The following ATP6V1B1 variants were observed in gnomAD, a reference collection of about 807,000 sequenced individuals.
ATP6V1B1 encodes V-type proton ATPase subunit B, kidney isoform.
ATP6V1B1 carries 41 observed loss-of-function variants against 62.1 expected under a neutral mutation model. That is an observed-to-expected ratio of 0.66 (90% CI 0.51 to 0.86). The LOEUF is 0.86. Among genes scored for constraint, ATP6V1B1 ranks in the 40% least tolerant of loss-of-function variants. The pLI, the probability that ATP6V1B1 is intolerant of heterozygous loss-of-function variation, is 0.00. For synonymous variants in ATP6V1B1, 253 were observed against 273.4 expected (o/e 0.93, Z 0.74); for missense variants, 651 against 697.5 (o/e 0.93, Z 0.75).
At position 70,963,934 on chromosome 2, in the gene ATP6V1B1, T is replaced by G; in HGVS notation, c.1143+280T>G. 1 of 530,110 alleles carries G rather than the reference T, an allele frequency of 1.9e-6. No individual in the cohort carries two copies. The highest frequency in any genetic ancestry group is 3.4e-6 in the Non-Finnish European group (1 of 292,530). 32.8% of individuals were successfully genotyped at this position (530,110 alleles called of 1,614,324 possible). On this transcript the variant is annotated intron_variant, in intron 11 of 13. Transcript: ENST00000234396. This position sits in a 1 kb window ranked among gnomAD's most constrained non-coding sequence, Gnocchi z 4.3. ...TAATCAAATATATCACCCAGACGCA[T>G]TGTGGAGGATAAAAATAAGTTGGCA...
chr2:70,947,853 A>G (rs1237498099), intron 2 of ATP6V1B1, among the ~76,000 whole-genome samples: 1 of 152,136 alleles, frequency 6.6e-6, no homozygotes, highest in African/African-American at 2.4e-5. Flanking sequence ...AACCGAGTTG[A>G]TGGGATCAGG....
At chr2:70,958,763 G>T (rs1680507733) in intron 4 of ATP6V1B1, among the ~76,000 whole-genome samples, 1 of 152,140 alleles carries the variant, frequency 6.6e-6, no homozygotes, top group Non-Finnish European at 1.5e-5. Flanking sequence ...CCTCTCTCTA[G>T]TCCTGGAATC....
At chr2:70,941,236 T>C in intron 1 of ATP6V1B1, 6 of 974,986 alleles carry the variant, frequency 6.2e-6, no homozygotes, top group Non-Finnish European at 7.3e-6. Context: ...CTTGAGTGTG[T>C]ACCATATTCC....
Position 70,964,942 on chromosome 2 carries a change from CCCGCTCTGTCCCTAGGCCCCT to C in ATP6V1B1, c.1379-15_1384del. The C allele has an allele frequency of 6.2e-7, 1 of 1,614,022 alleles. No individual in the cohort carries two copies. The highest frequency in any genetic ancestry group is 8.5e-7 in the Non-Finnish European group (1 of 1,180,034). On this transcript the variant is annotated splice_acceptor_variant and splice_polypyrimidine_tract_variant and coding_sequence_variant and intron_variant, in exon 14 of 14. Transcript: ENST00000234396. LOFTEE classifies it high-confidence loss of function. ...CCCACACACATTCCTAACACTCCCTCCCGCTCTGTCCCTAGGCCCCTACGAGAACCGCTCGGTGTTCGAGTC... is the reference window on the plus strand; with the variant it reads ...CCCACACACATTCCTAACACTCCCTCACGAGAACCGCTCGGTGTTCGAGTC...
intron 8 of ATP6V1B1, among the ~76,000 whole-genome samples, chr2:70,962,503 G>A (rs570263775): frequency 6.6e-5 from 10 of 152,286 alleles, no homozygotes; most frequent in African/African-American, 1.2e-4. Context: ...AGGCACTCCT[G>A]GCCCTGCCTG....
In ATP6V1B1 at chr2:70,965,281, T is replaced by A; in HGVS notation, c.*160T>A. On this transcript the variant is annotated 3_prime_UTR_variant, in exon 14 of 14. Transcript: ENST00000234396. ...CGCACGCTCCATCCCTTTCCCTCGC[T>A]CGATTCCTTTTCCCGCGCTCCATGC... 1 of 1,048,516 alleles carries A rather than the reference T, an allele frequency of 9.5e-7. No individual in the cohort carries two copies. Among genetic ancestry groups the A allele is most frequent in the Non-Finnish European group, 1.4e-6 (1 of 733,726 alleles). 65.0% of individuals were successfully genotyped at this position (1,048,516 alleles called of 1,614,324 possible).
At position 70,944,079 on chromosome 2, in the gene ATP6V1B1, G is replaced by C. The variant is rs769684857; in HGVS notation, c.174+366G>C. On this transcript the variant is annotated intron_variant, in intron 2 of 13. Coordinates refer to ENST00000234396, the MANE Select transcript of ATP6V1B1 (RefSeq NM_001692.4). ...CAGCACGGCTGTACCTAACCTCCTC[G>C]AGGGCTAGACTCTCCCCACCCTCGA... is the stretch of plus-strand genomic sequence containing the variant. The C allele has an allele frequency of 8.5e-6, 11 of 1,287,534 alleles. No homozygotes were observed. In the African/African-American group the frequency reaches 1.5e-4, roughly 18 times the overall value. The allele number at this position is 1,287,534 out of a possible 1,614,324, so 79.8% of individuals were successfully genotyped here. A position where few individuals can be genotyped will look rare whatever the true frequency, so the allele number is the denominator to read the frequency against.
intron 2 of ATP6V1B1, among the ~76,000 whole-genome samples, chr2:70,950,389 A>G (rs1369351048): frequency 6.6e-6 from 1 of 152,150 alleles, no homozygotes; most frequent in Non-Finnish European, 1.5e-5. Context: ...TCAAATTTAT[A>G]TACTTTTCAA....
At position 70,958,885 on chromosome 2, in the gene ATP6V1B1, G is replaced by C. The variant is rs543372798; in HGVS notation, c.368-133G>C. ...TAGCTGGCTCTCTGGGTTACCTGTG[G>C]GCTGCCGGGGAGGGGGATACAGGGC... On this transcript the variant is annotated intron_variant, in intron 4 of 13. Coordinates refer to ENST00000234396, the MANE Select transcript of ATP6V1B1 (RefSeq NM_001692.4). 6 of 838,202 alleles carry C rather than the reference G, an allele frequency of 7.2e-6. No homozygotes were observed. In the Admixed American group the frequency reaches 8.0e-5, roughly 11 times the overall value. 51.9% of individuals were successfully genotyped at this position (838,202 alleles called of 1,614,324 possible).
chr2:70,964,114 ATTT>A (rs66905923), intron 11 of ATP6V1B1: 1,984 of 126,894 alleles, frequency 0.016, 10 homozygotes, highest in Non-Finnish European at 0.019. Context: ...CTTGGCAGGT[ATTT>A]TTTTTTTTTT....
At chr2:70,941,696 A>G (rs1680008245) in intron 1 of ATP6V1B1, 1 of 976,848 alleles carries the variant, frequency 1.0e-6, no homozygotes, top group Non-Finnish European at 1.2e-6. Context: ...TGCAGTAGAT[A>G]TGCTTGAAGA....
chr2:70,963,656 T>G lies in ATP6V1B1; in HGVS notation c.1143+2T>G, dbSNP rs781961617. The G allele has an allele frequency of 6.2e-7, 1 of 1,613,058 alleles. No homozygotes were observed. Among genetic ancestry groups the G allele is most frequent in the African/African-American group, 1.3e-5 (1 of 74,872 alleles). On this transcript the variant is annotated splice_donor_variant, in intron 11 of 13. Transcript: ENST00000234396. LOFTEE classifies it high-confidence loss of function. This position sits in a 1 kb window ranked among gnomAD's most constrained non-coding sequence, Gnocchi z 4.3. ...GACAGACAGCTTCACAACAGACAGG[T>G]ACTGCCCTGTCCCTACCCACTTCCT...
In ATP6V1B1 at chr2:70,965,134, T is replaced by C; in HGVS notation, c.*13T>C. On this transcript the variant is annotated 3_prime_UTR_variant, in exon 14 of 14. Transcript: ENST00000234396. ...CACTGCGCTCTAGCCCCGCGCGCCG[T>C]GGCACCCCAACACCGGCAGGGAACC... 6.2e-7 allele frequency: 1 copy of C among 1,606,662 alleles called. No individual in the cohort carries two copies. Among genetic ancestry groups the C allele is most frequent in the Non-Finnish European group, 8.5e-7 (1 of 1,179,808 alleles).
At chr2:70,943,274 C>T (rs1193021110) in intron 1 of ATP6V1B1, 13 of 419,558 alleles carry the variant, frequency 3.1e-5, no homozygotes, top group East Asian at 1.1e-4. Context: ...GGGCACTTTT[C>T]GGCCACAGCC....
At chr2:70,942,774 C>T (rs1553416601) in intron 1 of ATP6V1B1, among the ~76,000 whole-genome samples, 1 of 152,248 alleles carries the variant, frequency 6.6e-6, no homozygotes, top group Non-Finnish European at 1.5e-5. Flanking sequence ...ACCCCCTGCC[C>T]ACCTTGCCAA....
chr2:70,945,770 G>A (rs1393035701), intron 2 of ATP6V1B1, among the ~76,000 whole-genome samples: 1 of 125,508 alleles, frequency 8.0e-6, no homozygotes, highest in Non-Finnish European at 1.6e-5. Context: ...TCCTATTGTG[G>A]TATAGAACAC....
rs1444142592 is a variant in ATP6V1B1 at position 70,935,961 on chromosome 2, A to G, written c.7A>G (p.Met3Val). 1.2e-6 allele frequency: 2 copies of G among 1,613,484 alleles called. No homozygotes were observed. The highest frequency in any genetic ancestry group is 2.2e-5 in the East Asian group (1 of 44,864). MA[M>V]EIDSRPGGLP... is the part of the protein sequence containing the mutation. ...CCCAGCTGGGGACTGCTCCATGGCC[A>G]TGGAGATAGACAGCAGGCCTGGGGG... is the stretch of plus-strand genomic sequence containing the variant. The change falls in exon 1 of 14, where the codon ATG becomes GTG. Residue 3 changes from methionine (M) to valine (V), a missense_variant. Transcript: ENST00000234396.
chr2:70,948,422 T>TG (rs34723947), intron 2 of ATP6V1B1: 19,696 of 154,746 alleles, frequency 0.13, 1,324 homozygotes, highest in South Asian at 0.19. Flanking sequence ...CTGATTTCTT[T>TG]GGGGCACACT....
chr2:70,939,517 A>G (rs1679934368), intron 1 of ATP6V1B1: 1 of 152,174 alleles, frequency 6.6e-6, no homozygotes, highest in Non-Finnish European at 1.5e-5. Flanking sequence ...AAACTAGCCC[A>G]CTTTCTGGGC....
Sources: allele counts gnomAD v4.1 joint callset (sites outside exome capture counted in the v4.1 genomes callset), GRCh38; gene constraint gnomAD v4.1.1; non-coding constraint Gnocchi (gnomAD v3.1); transcripts MANE v1.5; gene names NCBI Gene and HGNC (gene_info 2026-07-23, HGNC 2026-07-21).